ULK2: variants seen among roughly 807,000 people sequenced by gnomAD.
ULK2 encodes the protein unc-51 like autophagy activating kinase 2, also known as serine/threonine-protein kinase ULK2.
ULK2 carries 76 observed loss-of-function variants against 127.5 expected under a neutral mutation model. The observed-to-expected ratio is 0.60, with a 90% CI of 0.50 to 0.72. The LOEUF is 0.72. ULK2 is among the 30% of genes least tolerant of loss of function. ULK2 has a pLI of 0.00. For missense variants in ULK2, 1,144 were observed against 1,295.9 expected (o/e 0.88, Z 1.80); for synonymous variants, 452 against 461.9 (o/e 0.98, Z 0.28).
chr17:19,844,021 C>T (rs281354), intron 7 of ULK2, among the ~76,000 whole-genome samples: 8,447 of 152,088 alleles, frequency 0.056, 401 homozygotes, highest in East Asian at 0.24. Flanking sequence ...TTGTGAAATA[C>T]GGATGGTGGG....
chr17:19,835,108 C>T (rs2041559095), intron 10 of ULK2, among the ~76,000 whole-genome samples: 1 of 151,596 alleles, frequency 6.6e-6, no homozygotes, highest in Non-Finnish European at 1.5e-5. Flanking sequence ...GGGAACAAAG[C>T]TTCTACATTT....
At chr17:19,865,360 T>C (rs1158715743) in intron 2 of ULK2, among the ~76,000 whole-genome samples, 1 of 152,114 alleles carries the variant, frequency 6.6e-6, no homozygotes. Context: ...CTTTCTTCAA[T>C]TTAAAGAAAG....
intron 13 of ULK2, among the ~76,000 whole-genome samples, chr17:19,814,124 C>T (rs1000585086): frequency 6.6e-6 from 1 of 151,750 alleles, no homozygotes; most frequent in Non-Finnish European, 1.5e-5. Context: ...GCTGACATGA[C>T]AAATGTGACA....
rs781044550 is a variant in ULK2, at chr17:19,772,666, CAT to C, written c.*3681_*3682del. 6.6e-6 allele frequency: 1 copy of C among 152,256 alleles called. No individual in the cohort carries two copies. The highest frequency in any genetic ancestry group is 2.4e-5 in the African/African-American group (1 of 41,468). The allele number at this position is 152,256 out of a possible 1,614,324, so 9.4% of individuals were successfully genotyped here. A position where few individuals can be genotyped will look rare whatever the true frequency, so the allele number is the denominator to read the frequency against. On this transcript the variant is annotated 3_prime_UTR_variant, in exon 27 of 27. Coordinates refer to ENST00000395544, the MANE Select transcript of ULK2 (RefSeq NM_014683.4). ...AAAAGTGTGAAGTCCTCCTCCAAAA[CAT>C]GTGCTAACCACTAATATCAACATTA...
At position 19,838,956 on chromosome 17, in the gene ULK2, G is replaced by A. The variant is rs554069762; in HGVS notation, c.705-373C>T. Among the ~76,000 whole-genome samples the A allele has an allele frequency of 5.3e-5, 8 of 151,714 alleles. No individual in the cohort carries two copies. The East Asian group carries it at 5.8e-4, about 11-fold the overall frequency. On this transcript the variant is annotated intron_variant, in intron 9 of 26. Transcript: ENST00000395544. ...TGAGGCAGGAGAATGGCATAAACCCGGGAGGTGGAGCTTGCAGTGAGCCGA... is the reference window on the plus strand; with the variant it reads ...TGAGGCAGGAGAATGGCATAAACCCAGGAGGTGGAGCTTGCAGTGAGCCGA...
intron 13 of ULK2, 80 bp downstream of exon 13, chr17:19,816,669 G>C: frequency 7.7e-7 from 1 of 1,304,216 alleles, no homozygotes; most frequent in Non-Finnish European, 1.0e-6. Context: ...ACACAAGAAA[G>C]TGTAATATAT....
intron 22 of ULK2, among the ~76,000 whole-genome samples, chr17:19,782,315 G>A (rs191029003): frequency 3.9e-5 from 6 of 152,120 alleles, no homozygotes. Context: ...CTCAGGATGG[G>A]TCGCTGTGCT....
At chr17:19,804,905 T>C (rs981667424) in intron 14 of ULK2, 75 bp from the exon 15 acceptor site, 11 of 1,501,974 alleles carry the variant, frequency 7.3e-6, no homozygotes, top group African/African-American at 1.4e-5. Context: ...CCATTAGTTA[T>C]ATTTAGAGAA....
rs190152952 is a variant in ULK2 at position 19,771,570 on chromosome 17, A to T, written c.*4779T>A. The T allele has an allele frequency of 6.6e-6, 1 of 152,400 alleles. No homozygotes were observed. Among genetic ancestry groups the T allele is most frequent in the East Asian group, 1.9e-4 (1 of 5,188 alleles). The allele number at this position is 152,400 out of a possible 1,614,324, so 9.4% of individuals were successfully genotyped here. ...AGCAGTGAAGAGCCACAGAGTGATG[A>T]CCACTACAACGGATACAGGATTGCT... is the stretch of plus-strand genomic sequence containing the variant. On this transcript the variant is annotated 3_prime_UTR_variant, in exon 27 of 27. Coordinates refer to ENST00000395544, the MANE Select transcript of ULK2 (RefSeq NM_014683.4).
chr17:19,815,794 T>C (rs984425359), intron 13 of ULK2, among the ~76,000 whole-genome samples: 2 of 152,156 alleles, frequency 1.3e-5, no homozygotes, highest in Admixed American at 6.5e-5. Context: ...ACATGGCACA[T>C]GTATACATTT....
rs368255102 is a variant in ULK2, at chr17:19,804,162, C to T, written c.1295+531G>A. Among the ~76,000 whole-genome samples the T allele has an allele frequency of 2.4e-4, 37 of 151,698 alleles. No homozygotes were observed. The South Asian group carries it at 7.7e-3, about 32-fold the overall frequency. On this transcript the variant is annotated intron_variant, in intron 15 of 26. Coordinates refer to ENST00000395544, the MANE Select transcript of ULK2 (RefSeq NM_014683.4). ...CTTTGAGAGGCTGAGACGGGAGGAT[C>T]GCTTGAGGCCAGGAGTTCAAGACCA...
In ULK2 at chr17:19,801,782, G is replaced by A. The variant is rs201796490; in HGVS notation, c.1436C>T (p.Pro479Leu). 1.2e-6 allele frequency: 2 copies of A among 1,613,372 alleles called. No homozygotes were observed. The highest frequency in any genetic ancestry group is 2.2e-5 in the East Asian group (1 of 44,886). ...TGSSRPYSPS[P>L]LVGTIPEQFS... ...TGTTTTTAAACTCTACTTACCCAAA[G>A]GGGAAGGTGAGTAAGGCCTAGAAGA... is the stretch of plus-strand genomic sequence containing the variant. The change falls in exon 16 of 27, where the codon CCT (proline) becomes CTT (leucine). Residue 479 changes from proline to leucine, a missense_variant. Physicochemically the swap from Pro to Leu is moderately conservative, Grantham distance 98. Around this residue, in one of 2 missense-constraint regions of ULK2, gnomAD observed 913 missense variants for 970.5 expected, o/e 0.94. Transcript: ENST00000395544.
intron 10 of ULK2, among the ~76,000 whole-genome samples, chr17:19,836,813 G>C (rs555841632): frequency 6.6e-6 from 1 of 151,478 alleles, no homozygotes; most frequent in East Asian, 2.0e-4. Context: ...GGCTGAGGCA[G>C]AGAATTGCCT....
At chr17:19,839,660 CAAA>C (rs58657992) in intron 9 of ULK2, among the ~76,000 whole-genome samples, 6 of 70,334 alleles carry the variant, frequency 8.5e-5, no homozygotes, top group Non-Finnish European at 9.9e-5. Context: ...GACTCTGTCT[CAAA>C]AAAAAAAAAA....
intron 12 of ULK2, among the ~76,000 whole-genome samples, chr17:19,819,777 C>T (rs549742481): frequency 3.9e-4 from 60 of 152,322 alleles, no homozygotes; most frequent in African/African-American, 1.4e-3. Context: ...GATCTGTGCG[C>T]TCTTTGCCTT....
At chr17:19,787,370 T>C (rs944412609) in intron 20 of ULK2, among the ~76,000 whole-genome samples, 9 of 152,158 alleles carry the variant, frequency 5.9e-5, no homozygotes, top group Non-Finnish European at 1.3e-4. Flanking sequence ...CACTGCAGCC[T>C]GGAACTCCTG....
rs117734634 is a variant in ULK2 at position 19,853,126 on chromosome 17, T to A, written c.226-3352A>T. On this transcript the variant is annotated intron_variant, in intron 3 of 26. Transcript: ENST00000395544. The stretch of plus-strand genomic sequence containing the variant: ...TTTTTATTTTAAAGTGACATTTTTT[T>A]AAATTTTTTTAATTTTTTTTTTTTT... 2.6e-3 allele frequency among the ~76,000 whole-genome samples: 384 copies of A among 146,478 alleles called. 16 individuals carry two copies. In the East Asian group the frequency reaches 0.062, roughly 24 times the overall value.
At chr17:19,845,893 A>G (rs2041868622) in intron 6 of ULK2, among the ~76,000 whole-genome samples, 1 of 151,844 alleles carries the variant, frequency 6.6e-6, no homozygotes, top group South Asian at 2.1e-4. Flanking sequence ...CAGATCACCT[A>G]AAGTCAGGAG....
intron 17 of ULK2, 89 bp downstream of exon 17, chr17:19,799,406 T>C: frequency 1.7e-6 from 2 of 1,148,142 alleles, no homozygotes; most frequent in Non-Finnish European, 1.2e-6. Context: ...TTCATATCAA[T>C]TCTGTTCTTT....
Sources: gnomAD v4.1 joint callset for allele counts (sites outside exome capture counted in the v4.1 genomes callset) on GRCh38, gnomAD v4.1.1 for gene constraint, gnomAD v4.1.1 regional missense constraint, MANE v1.5 for transcripts, NCBI Gene and HGNC (gene_info 2026-07-23, HGNC 2026-07-21) for gene names.